CRACD: variants seen among roughly 807,000 people sequenced by gnomAD.
The protein encoded by CRACD is capping protein-inhibiting regulator of actin dynamics.
Under a neutral mutation model 106.8 loss-of-function variants are expected in CRACD, and 56 were observed. The observed-to-expected ratio is 0.52, with a 90% CI of 0.42 to 0.66. The LOEUF is 0.66. CRACD is among the 30% of genes least tolerant of loss of function. The probability of loss-of-function intolerance (pLI) is 0.00; values close to 1 mark genes in which losing one functional copy is unlikely to be tolerated. For synonymous variants in CRACD, 754 were observed against 670.8 expected (o/e 1.12, Z -1.92); for missense variants, 1,730 against 1,623.2 (o/e 1.07, Z -1.13).
chr4:56,096,043 A>G (rs1733590422), intron 1 of CRACD, among the ~76,000 whole-genome samples: 2 of 152,106 alleles, frequency 1.3e-5, no homozygotes, highest in African/African-American at 4.8e-5. Flanking sequence ...GGTTTGGTAT[A>G]TATTGAGGTG....
chr4:56,260,882 T>TATCCATCCATCC (rs11276099), intron 2 of CRACD, among the ~76,000 whole-genome samples: 20 of 149,842 alleles, frequency 1.3e-4, no homozygotes, highest in South Asian at 4.3e-4. Flanking sequence ...TCTGTCTGTG[T>TATCCATCCATCC]ATCCATCCAT....
chr4:56,244,239 A>G lies in CRACD; in HGVS notation c.-188-28082A>G, dbSNP rs145622208. 3.0e-3 allele frequency among the ~76,000 whole-genome samples: 455 copies of G among 152,170 alleles called. 2 individuals carry two copies. The highest frequency in any genetic ancestry group is 0.01 in the African/African-American group (431 of 41,524). ...TGGAGTTTCCCTAAAACCAGGGTTC[A>G]TATGCTGGCAATGATGTTATGGGCC... is the stretch of plus-strand genomic sequence containing the variant. On this transcript the variant is annotated intron_variant, in intron 2 of 10. Transcript: ENST00000682029.
chr4:56,246,752 C>T (rs559119394), intron 2 of CRACD: 2 of 152,298 alleles, frequency 1.3e-5, no homozygotes, highest in East Asian at 3.9e-4. Context: ...CCTGTACTTC[C>T]CTCTGAAATT....
intron 1 of CRACD, among the ~76,000 whole-genome samples, chr4:56,142,852 T>G (rs1018300118): frequency 3.3e-5 from 5 of 152,046 alleles, no homozygotes; most frequent in Non-Finnish European, 5.9e-5. Flanking sequence ...TCTCAATAAT[T>G]TTTAGATCTA....
At chr4:56,286,322 G>A (rs1577858563) in intron 3 of CRACD, among the ~76,000 whole-genome samples, 1 of 151,830 alleles carries the variant, frequency 6.6e-6, no homozygotes, top group Non-Finnish European at 1.5e-5. Context: ...GAACCCCAGA[G>A]GTGGGAGTTG....
At chr4:56,125,614 A>G (rs1734631090) in intron 1 of CRACD, among the ~76,000 whole-genome samples, 1 of 151,894 alleles carries the variant, frequency 6.6e-6, no homozygotes, top group Non-Finnish European at 1.5e-5. Context: ...ATGGGATCTT[A>G]CTGTGTTGTC....
chr4:56,100,581 G>A (rs1733745907), intron 1 of CRACD, among the ~76,000 whole-genome samples: 1 of 152,206 alleles, frequency 6.6e-6, no homozygotes, highest in Non-Finnish European at 1.5e-5. Flanking sequence ...ACCTTAGAAT[G>A]TGGCCATATT....
At chr4:56,093,755 A>G (rs1490513060) in intron 1 of CRACD, among the ~76,000 whole-genome samples, 1 of 152,220 alleles carries the variant, frequency 6.6e-6, no homozygotes, top group Non-Finnish European at 1.5e-5. Flanking sequence ...TTATGCTTCA[A>G]GAGATTAGGT....
intron 1 of CRACD, among the ~76,000 whole-genome samples, chr4:56,139,498 A>G (rs1735121456): frequency 6.6e-6 from 1 of 152,230 alleles, no homozygotes; most frequent in African/African-American, 2.4e-5. Flanking sequence ...TGGCAAGCTT[A>G]GAGTGGTTCT....
intron 2 of CRACD, among the ~76,000 whole-genome samples, chr4:56,229,182 A>G (rs565206815): frequency 9.3e-4 from 141 of 152,296 alleles, no homozygotes; most frequent in African/African-American, 3.3e-3. Context: ...GTTTGAATGT[A>G]TGTGTTTCTC....
chr4:56,206,376 A>G (rs1467866483), intron 2 of CRACD, among the ~76,000 whole-genome samples: 1 of 152,184 alleles, frequency 6.6e-6, no homozygotes, highest in African/African-American at 2.4e-5. Flanking sequence ...AAGGGAGGAA[A>G]AACAATATAT....
At chr4:56,254,029 C>T (rs1560503842) in intron 2 of CRACD, among the ~76,000 whole-genome samples, 2 of 152,314 alleles carry the variant, frequency 1.3e-5, no homozygotes, top group South Asian at 2.1e-4. Context: ...ATCTGTTCCA[C>T]CAGTATCTGG....
chr4:56,205,315 T>G (rs1738071732), intron 2 of CRACD, among the ~76,000 whole-genome samples: 1 of 151,940 alleles, frequency 6.6e-6, no homozygotes, highest in Non-Finnish European at 1.5e-5. Context: ...TACTGTGAAA[T>G]TATATTAGGG....
At chr4:56,142,280 A>G (rs1735229769) in intron 1 of CRACD, among the ~76,000 whole-genome samples, 2 of 152,168 alleles carry the variant, frequency 1.3e-5, no homozygotes, top group African/African-American at 4.8e-5. Context: ...TCTAGTGACT[A>G]GATAGTATTT....
intron 2 of CRACD, among the ~76,000 whole-genome samples, chr4:56,245,421 AAACT>A (rs781040383): frequency 7.2e-5 from 11 of 152,228 alleles, no homozygotes; most frequent in Non-Finnish European, 4.4e-5. Context: ...CAAAAAAACA[AAACT>A]AAACAACAAT....
chr4:56,273,780 G>T (rs1011028267), intron 3 of CRACD, among the ~76,000 whole-genome samples: 29 of 152,270 alleles, frequency 1.9e-4, no homozygotes, highest in African/African-American at 6.7e-4. Flanking sequence ...GTTTCATTCA[G>T]CCTTGTATTA....
At chr4:56,151,846 G>A (rs1249485809) in intron 1 of CRACD, among the ~76,000 whole-genome samples, 1 of 151,996 alleles carries the variant, frequency 6.6e-6, no homozygotes, top group Non-Finnish European at 1.5e-5. Context: ...ATGATTAGAT[G>A]CAAGTTAGGT....
At chr4:56,170,372 A>G (rs187769060) in intron 1 of CRACD, 2 of 152,336 alleles carry the variant, frequency 1.3e-5, no homozygotes, top group East Asian at 3.9e-4. Flanking sequence ...CCAGGGAAAA[A>G]CCAAGAGTTC....
At chr4:56,257,954 T>C (rs539553003) in intron 2 of CRACD, among the ~76,000 whole-genome samples, 16 of 151,312 alleles carry the variant, frequency 1.1e-4, no homozygotes, top group Non-Finnish European at 2.4e-4. Context: ...CCTGTAGTCC[T>C]AGCTACTTGG....
Sources: gnomAD v4.1 joint callset for allele counts (sites outside exome capture counted in the v4.1 genomes callset) on GRCh38, gnomAD v4.1.1 for gene constraint, MANE v1.5 for transcripts, NCBI Gene and HGNC (gene_info 2026-07-23, HGNC 2026-07-21) for gene names.